DNAAF4: variants seen among roughly 807,000 people sequenced by gnomAD.
DNAAF4 encodes the protein dynein assembly factor 4, axonemal.
In DNAAF4, 43 loss-of-function variants were observed where a neutral mutation model predicts 51.8. The observed-to-expected ratio is 0.83, with a 90% CI of 0.65 to 1.07. The LOEUF (loss-of-function observed/expected upper bound fraction) is 1.07, where lower values mean the gene tolerates loss of function less well. DNAAF4 is among the 50% of genes least tolerant of loss of function. The pLI is 0.00. For missense variants in DNAAF4, 581 were observed against 493.0 expected (o/e 1.18, Z -1.69); for synonymous variants, 194 against 165.6 (o/e 1.17, Z -1.32).
intron 4 of DNAAF4, among the ~76,000 whole-genome samples, chr15:55,480,683 G>A (rs547077082): frequency 9.2e-5 from 14 of 152,004 alleles, no homozygotes; most frequent in East Asian, 2.0e-4. Flanking sequence ...AACTGCAGGC[G>A]TAGAAACAGG....
At chr15:55,483,913 G>C (rs1241397379) in intron 4 of DNAAF4, among the ~76,000 whole-genome samples, 1 of 128,672 alleles carries the variant, frequency 7.8e-6, no homozygotes, top group Non-Finnish European at 1.5e-5. Context: ...GAGAGGAAAA[G>C]AGCAAGCAAG....
chr15:55,419,421 G>A (rs997902219), intron 7 of DNAAF4, among the ~76,000 whole-genome samples: 1 of 151,622 alleles, frequency 6.6e-6, no homozygotes, highest in Admixed American at 6.6e-5. Context: ...GTGTGTGTGT[G>A]TAGATGGAGT....
At chr15:55,475,585 T>A (rs1376999386) in intron 4 of DNAAF4, among the ~76,000 whole-genome samples, 1 of 152,216 alleles carries the variant, frequency 6.6e-6, no homozygotes, top group Non-Finnish European at 1.5e-5. Flanking sequence ...TGGCTGAGCA[T>A]CCTTACTCCA....
intron 7 of DNAAF4, among the ~76,000 whole-genome samples, chr15:55,424,119 G>T (rs993364047): frequency 2.0e-5 from 3 of 151,702 alleles, no homozygotes; most frequent in African/African-American, 7.3e-5. Flanking sequence ...AGGTCATGGG[G>T]ACACCATACT....
At chr15:55,468,207 CT>C (rs1459512787) in intron 4 of DNAAF4, among the ~76,000 whole-genome samples, 2 of 152,102 alleles carry the variant, frequency 1.3e-5, no homozygotes, top group African/African-American at 4.8e-5. Context: ...ATGAAGGTCC[CT>C]AAATGTTGTA....
At chr15:55,446,296 C>CGGCGGGGAGGG (rs1555415275) in intron 6 of DNAAF4, among the ~76,000 whole-genome samples, 1 of 19,254 alleles carries the variant, frequency 5.2e-5, no homozygotes. Flanking sequence ...ACATCCCAGA[C>CGGCGGGGAGGG]GGGGGGGGGG....
At position 55,488,629 on chromosome 15, in the gene DNAAF4, C is replaced by G. The variant is rs867276965; in HGVS notation, c.405+2494G>C. Among the ~76,000 whole-genome samples, 3 of 152,328 alleles carry G rather than the reference C, an allele frequency of 2.0e-5. 1 individual carries two copies. The highest frequency in any genetic ancestry group is 6.8e-3 in the Middle Eastern group (2 of 294). ...AGGATGAAACAAAACATACTCCCAA[C>G]TCTCAACACTACTGAGGGAAGAGAG... On this transcript the variant is annotated intron_variant, in intron 4 of 9. Transcript: ENST00000321149.
At chr15:55,418,575 A>G (rs1383835807) in intron 7 of DNAAF4, 2 of 1,422,756 alleles carry the variant, frequency 1.4e-6, no homozygotes, top group African/African-American at 1.4e-5. Context: ...CTATGAAAAT[A>G]TATTCCTTTG....
At chr15:55,425,265 C>T (rs181164428) in intron 7 of DNAAF4, among the ~76,000 whole-genome samples, 1 of 152,302 alleles carries the variant, frequency 6.6e-6, no homozygotes, top group Non-Finnish European at 1.5e-5. Context: ...GATATTTGAC[C>T]AGATTCCTCA....
At chr15:55,447,801 G>T (rs184074759) in intron 6 of DNAAF4, among the ~76,000 whole-genome samples, 1 of 118,436 alleles carries the variant, frequency 8.4e-6, no homozygotes, top group East Asian at 2.9e-4. Context: ...GGGGAGAGGG[G>T]AGAGGGCAGA....
chr15:55,429,037 C>G (rs1320872730), downstream of DNAAF4, among the ~76,000 whole-genome samples: 1 of 151,382 alleles, frequency 6.6e-6, no homozygotes, highest in Non-Finnish European at 1.5e-5. Context: ...GCCTGGCCAA[C>G]ATGGTAAAAC....
chr15:55,465,807 C>G (rs2058163055), intron 5 of DNAAF4, among the ~76,000 whole-genome samples: 1 of 152,096 alleles, frequency 6.6e-6, no homozygotes, highest in African/African-American at 2.4e-5. Flanking sequence ...CTCAGATGAT[C>G]TGCCCGCCTT....
intron 7 of DNAAF4, among the ~76,000 whole-genome samples, chr15:55,438,933 T>A (rs1009155819): frequency 1.3e-5 from 2 of 152,194 alleles, no homozygotes; most frequent in Admixed American, 6.5e-5. Flanking sequence ...TTCCAAAAGA[T>A]GTAATTTTTT....
chr15:55,507,705 G>T (rs2058733926), intron 1 of DNAAF4, among the ~76,000 whole-genome samples: 1 of 152,028 alleles, frequency 6.6e-6, no homozygotes, highest in African/African-American at 2.4e-5. Flanking sequence ...TAAAACGAAG[G>T]CCCGGGATGC....
At chr15:55,418,284 C>T in intron 7 of DNAAF4, 1 of 1,551,260 alleles carries the variant, frequency 6.4e-7, no homozygotes, top group East Asian at 2.4e-5. Context: ...CAACTGCCTC[C>T]TTGTGTGAAC....
At chr15:55,433,866 T>TATAA in intron 8 of DNAAF4, among the ~76,000 whole-genome samples, 1 of 61,066 alleles carries the variant, frequency 1.6e-5, no homozygotes, top group South Asian at 3.7e-4. Flanking sequence ...ATAATATATA[T>TATAA]TATATATATT....
chr15:55,505,933 G>C (rs1458657764), intron 1 of DNAAF4, among the ~76,000 whole-genome samples: 1 of 152,096 alleles, frequency 6.6e-6, no homozygotes, highest in Non-Finnish European at 1.5e-5. Flanking sequence ...AAAAGTAGCT[G>C]TTGTACATTT....
At chr15:55,505,186 A>C (rs1034904706) in intron 1 of DNAAF4, among the ~76,000 whole-genome samples, 4 of 152,264 alleles carry the variant, frequency 2.6e-5, no homozygotes, top group African/African-American at 4.8e-5. Flanking sequence ...ATCACTGGTC[A>C]TCAAAGAAAT....
intron 5 of DNAAF4, among the ~76,000 whole-genome samples, chr15:55,460,829 A>G (rs1369355767): frequency 1.4e-5 from 2 of 146,174 alleles, no homozygotes; most frequent in Admixed American, 1.4e-4. Flanking sequence ...CAGTGGCGTG[A>G]TCTCGACTCA....
Sources: allele counts gnomAD v4.1 joint callset (sites outside exome capture counted in the v4.1 genomes callset), GRCh38; gene constraint gnomAD v4.1.1; transcripts MANE v1.5; gene names NCBI Gene and HGNC (gene_info 2026-07-23, HGNC 2026-07-21).